MRPS18A: variants seen among roughly 807,000 people sequenced by gnomAD.
MRPS18A encodes the protein large ribosomal subunit protein mL66.
Under a neutral mutation model 22.7 loss-of-function variants are expected in MRPS18A, and 20 were observed. The observed-to-expected ratio is 0.88, with a 90% CI of 0.62 to 1.28. The LOEUF (loss-of-function observed/expected upper bound fraction) is 1.28, where lower values mean the gene tolerates loss of function less well. Among genes scored for constraint, MRPS18A ranks in the 50% most tolerant of loss-of-function variants. MRPS18A has a pLI of 0.00. For synonymous variants in MRPS18A, 106 were observed against 99.1 expected (o/e 1.07, Z -0.41); for missense variants, 294 against 262.6 (o/e 1.12, Z -0.83).
intron 5 of MRPS18A, 35 bp from the exon 6 acceptor site, chr6:43,671,941 C>A: frequency 6.4e-7 from 1 of 1,552,244 alleles, no homozygotes; most frequent in South Asian, 1.2e-5. Flanking sequence ...CCTGTGAGGG[C>A]TGGGGGCCCA....
Position 43,681,116 on chromosome 6 carries a change from C to T in MRPS18A, c.117G>A (p.Val39=), listed in dbSNP as rs770509695. 1.2e-5 allele frequency: 19 copies of T among 1,613,326 alleles called. No homozygotes were observed. The highest frequency in any genetic ancestry group is 2.7e-5 in the African/African-American group (2 of 74,908). ...TAGTTGTCTTCCCTTCTTGGGTCTCCACCACTACGGAGATAAAGGGGGAAA... is the reference window on the plus strand; with the variant it reads ...TAGTTGTCTTCCCTTCTTGGGTCTCTACCACTACGGAGATAAAGGGGGAAA... ...RLPARGFREV[V]ETQEGKTTII... The change falls in exon 2 of 6, where the codon GTG becomes GTA. Residue 39 remains valine (V), a synonymous_variant. Transcript: ENST00000372133.
At chr6:43,678,877 A>T (rs1026979773) in intron 2 of MRPS18A, among the ~76,000 whole-genome samples, 1 of 152,074 alleles carries the variant, frequency 6.6e-6, no homozygotes, top group African/African-American at 2.4e-5. Context: ...TGAACTTAAT[A>T]CCAGTGTCAA....
At chr6:43,672,149 C>T (rs41281836) in intron 5 of MRPS18A, 78,429 of 577,662 alleles carry the variant, frequency 0.14, 6,622 homozygotes, top group East Asian at 0.29. Context: ...GGGCCACAAG[C>T]TCCCTTGATC....
Position 43,675,570 on chromosome 6 carries a change from C to T in MRPS18A, c.300G>A (p.Leu100=), listed in dbSNP as rs767909772. ...GGCATAGGCCTGTGATCTTTCGGGG[C>T]AGCATGCCTCCATGAGGCCGGATGA... ...SQFIRPHGGM[L]PRKITGLCQE... The change falls in exon 4 of 6, where the codon CTG becomes CTA. Residue 100 remains leucine, a synonymous_variant. Coordinates refer to ENST00000372133, the MANE Select transcript of MRPS18A (RefSeq NM_018135.4). The T allele has an allele frequency of 2.5e-6, 4 of 1,613,916 alleles. No individual in the cohort carries two copies. The highest frequency in any genetic ancestry group is 3.4e-6 in the Non-Finnish European group (4 of 1,179,960).
At chr6:43,678,378 C>T (rs1050029756) in intron 3 of MRPS18A, 140 bp downstream of exon 3, 6 of 656,374 alleles carry the variant, frequency 9.1e-6, no homozygotes, top group Non-Finnish European at 1.4e-5. Context: ...GGGTTGAGAA[C>T]AACTGGACAA....
chr6:43,682,229 G>C (rs1056352560), intron 1 of MRPS18A, among the ~76,000 whole-genome samples: 6 of 152,172 alleles, frequency 3.9e-5, no homozygotes, highest in African/African-American at 1.4e-4. Flanking sequence ...AGCCCAGGAG[G>C]TTGAGGCTGC....
Position 43,671,882 on chromosome 6 carries a change from G to C in MRPS18A, c.471C>G (p.Gly157=), listed in dbSNP as rs1466367546. The C allele has an allele frequency of 1.9e-6, 3 of 1,612,944 alleles. No homozygotes were observed. The highest frequency in any genetic ancestry group is 1.7e-6 in the Non-Finnish European group (2 of 1,179,416). The change falls in exon 6 of 6, where the codon GGC becomes GGG. Residue 157 remains glycine (G), a synonymous_variant. Coordinates refer to ENST00000372133, the MANE Select transcript of MRPS18A (RefSeq NM_018135.4). The part of the protein sequence containing the change: ...LNRYLTRWAP[G]SVKPIYKKGP... ...CTTTTTTGTAGATGGGCTTGACGGAGCCAGGAGCCCAGCGCGTCAGGTACC... is the reference window on the plus strand; with the variant it reads ...CTTTTTTGTAGATGGGCTTGACGGACCCAGGAGCCCAGCGCGTCAGGTACC...
In MRPS18A at chr6:43,673,144, T is replaced by G. The variant is rs60568338; in HGVS notation, c.447-1238A>C. Among the ~76,000 whole-genome samples the G allele has an allele frequency of 4.0e-5, 6 of 151,872 alleles. No individual in the cohort carries two copies. The highest frequency in any genetic ancestry group is 3.3e-4 in the Admixed American group (5 of 15,236). On this transcript the variant is annotated intron_variant, in intron 5 of 5. Transcript: ENST00000372133. This position sits in a 1 kb window ranked among gnomAD's most constrained non-coding sequence, Gnocchi z 4.2. The stretch of plus-strand genomic sequence containing the variant: ...CTTGGATTACAGGCACCCGCCACAA[T>G]GCATGGCTAATTTTTGTATTTTTAG...
chr6:43,674,910 T>C (rs1773965585), intron 5 of MRPS18A, among the ~76,000 whole-genome samples: 1 of 152,144 alleles, frequency 6.6e-6, no homozygotes, highest in South Asian at 2.1e-4. Context: ...TGAAAATTTG[T>C]AGTACTGACA....
chr6:43,672,448 T>G (rs1773786033), intron 5 of MRPS18A: 1 of 470,560 alleles, frequency 2.1e-6, no homozygotes, highest in African/African-American at 2.0e-5. Flanking sequence ...AAGGTTCCTG[T>G]AAATAGGAGG....
intron 1 of MRPS18A, among the ~76,000 whole-genome samples, chr6:43,686,753 T>C (rs1475181612): frequency 2.6e-5 from 4 of 152,234 alleles, no homozygotes; most frequent in Admixed American, 6.5e-5. Flanking sequence ...ATCTCTTCTT[T>C]TGCACATCAC....
At position 43,687,585 on chromosome 6, in the gene MRPS18A, T is replaced by C. The variant is rs966934559; in HGVS notation, c.112+83A>G. The C allele has an allele frequency of 1.6e-5, 20 of 1,223,282 alleles. No individual in the cohort carries two copies. The African/African-American group carries it at 2.6e-4, about 16-fold the overall frequency. 75.8% of individuals were successfully genotyped at this position (1,223,282 alleles called of 1,614,324 possible). On this transcript the variant is annotated intron_variant, in intron 1 of 5. Coordinates refer to ENST00000372133, the MANE Select transcript of MRPS18A (RefSeq NM_018135.4). ...GTTTCAGAATCGGACGAAGGAAAGG[T>C]AGGAAGGAGCGCACCGGGGCTGGCG... is the stretch of plus-strand genomic sequence containing the variant.
At chr6:43,684,856 ATGTT>A (rs1407702073) in intron 1 of MRPS18A, among the ~76,000 whole-genome samples, 4 of 152,188 alleles carry the variant, frequency 2.6e-5, no homozygotes, top group African/African-American at 9.7e-5. Context: ...ATATAATAAT[ATGTT>A]TGTTTTTTTA....
In MRPS18A at chr6:43,671,862, T is replaced by C. The variant is rs1426362578; in HGVS notation, c.491A>G (p.Lys164Arg). ...CACCCTGTTCCAGCGGGGGCCTTTT[T>C]TGTAGATGGGCTTGACGGAGCCAGG... ...WAPGSVKPIY[K>R]KGPRWNRVRM... The change falls in exon 6 of 6, where the codon AAA (lysine) becomes AGA (arginine). Residue 164 changes from lysine to arginine, a missense_variant. Physicochemically the swap from Lys to Arg is conservative, Grantham distance 26. Coordinates refer to ENST00000372133, the MANE Select transcript of MRPS18A (RefSeq NM_018135.4). The C allele has an allele frequency of 1.2e-6, 2 of 1,613,972 alleles. No individual in the cohort carries two copies. Among genetic ancestry groups the C allele is most frequent in the African/African-American group, 1.3e-5 (1 of 75,046 alleles).
rs534002251 is a variant in MRPS18A at position 43,675,712 on chromosome 6, C to G, written c.253-95G>C. ...CATGGTCTACAGGGGAGGCTGATATCTCCTGGGAACCTAGCTGAGATCACT... is the reference window on the plus strand; with the variant it reads ...CATGGTCTACAGGGGAGGCTGATATGTCCTGGGAACCTAGCTGAGATCACT... On this transcript the variant is annotated intron_variant, in intron 3 of 5. Transcript: ENST00000372133. 4.2e-6 allele frequency: 6 copies of G among 1,425,758 alleles called. No homozygotes were observed. The African/African-American group carries it at 4.3e-5, about 10-fold the overall frequency. 88.3% of individuals were successfully genotyped at this position (1,425,758 alleles called of 1,614,324 possible). A position where few individuals can be genotyped will look rare whatever the true frequency, so the allele number is the denominator to read the frequency against.
chr6:43,671,947 GC>G (rs1343179668), intron 5 of MRPS18A, 41 bp from the exon 6 acceptor site: 1 of 1,538,756 alleles, frequency 6.5e-7, no homozygotes, highest in South Asian at 1.2e-5. Flanking sequence ...AGGGCTGGGG[GC>G]CCAAGCTGGA....
At chr6:43,675,120 G>C in intron 5 of MRPS18A, 82 bp downstream of exon 5, 5 of 1,227,022 alleles carry the variant, frequency 4.1e-6, no homozygotes, top group Non-Finnish European at 5.6e-6. Flanking sequence ...TAAGCTGGCA[G>C]GGAATGGAAC....
chr6:43,671,286 G>A lies in MRPS18A; in HGVS notation c.*476C>T. The A allele has an allele frequency of 2.1e-6, 1 of 473,874 alleles. No homozygotes were observed. The highest frequency in any genetic ancestry group is 2.4e-5 in the South Asian group (1 of 42,366). 29.4% of individuals were successfully genotyped at this position (473,874 alleles called of 1,614,324 possible). On this transcript the variant is annotated 3_prime_UTR_variant, in exon 6 of 6. Transcript: ENST00000372133. ...CTTGGCTCCCTGCAGCTCTCCCACAGTAAGGAGCTCACAGCTGTCATGAAG... is the reference window on the plus strand; with the variant it reads ...CTTGGCTCCCTGCAGCTCTCCCACAATAAGGAGCTCACAGCTGTCATGAAG...
At chr6:43,674,487 T>A (rs532763903) in intron 5 of MRPS18A, among the ~76,000 whole-genome samples, 53 of 152,246 alleles carry the variant, frequency 3.5e-4, no homozygotes, top group African/African-American at 1.3e-3. Flanking sequence ...GGCTCTACTC[T>A]CAACAAGGGG....
Sources: allele counts gnomAD v4.1 joint callset (sites outside exome capture counted in the v4.1 genomes callset), GRCh38; gene constraint gnomAD v4.1.1; non-coding constraint Gnocchi (gnomAD v3.1); transcripts MANE v1.5; gene names NCBI Gene and HGNC (gene_info 2026-07-23, HGNC 2026-07-21).